The following LRRC4C variants were observed in gnomAD, a reference collection of about 807,000 sequenced individuals.
LRRC4C encodes the protein leucine rich repeat containing 4C, also known as leucine-rich repeat-containing protein 4C.
A neutral mutation model predicts 33.6 loss-of-function variants in LRRC4C; 5 were observed. The ratio of observed to expected loss-of-function variants is 0.15; its 90% CI spans 0.08 to 0.31. The LOEUF (loss-of-function observed/expected upper bound fraction) is 0.31. Ranked by LOEUF, LRRC4C falls within the 10% of genes least tolerant of loss-of-function variation. LRRC4C has a pLI of 1.00. For missense variants in LRRC4C, 560 were observed against 796.7 expected, an observed-to-expected ratio of 0.70 and a Z score of 3.58; for synonymous variants, 329 against 302.0, an observed-to-expected ratio of 1.09 and a Z score of -0.93.
intron 3 of LRRC4C, among the ~76,000 whole-genome samples, chr11:40,423,779 A>G (rs1950615590): frequency 6.6e-6 from 1 of 152,232 alleles, no homozygotes; most frequent in African/African-American, 2.4e-5. Flanking sequence ...CATTGCAAAG[A>G]TAAATAGGCT....
intron 2 of LRRC4C, among the ~76,000 whole-genome samples, chr11:40,861,347 A>G (rs1954091476): frequency 6.6e-6 from 1 of 152,172 alleles, no homozygotes. Context: ...GAGAAACATG[A>G]GCCTGGAAGG....
chr11:41,450,208 C>T (rs193123311), intron 1 of LRRC4C, among the ~76,000 whole-genome samples: 1 of 152,144 alleles, frequency 6.6e-6, no homozygotes, highest in East Asian at 1.9e-4. Flanking sequence ...GTCCGACAGA[C>T]CATCTGTACA....
chr11:41,318,880 ACT>A (rs56723064), intron 1 of LRRC4C, among the ~76,000 whole-genome samples: 2,230 of 152,260 alleles, frequency 0.015, 57 homozygotes, highest in African/African-American at 0.05. Context: ...GATATTGAAC[ACT>A]CAGAATCTGC....
chr11:40,184,051 A>G (rs948504226), intron 5 of LRRC4C, among the ~76,000 whole-genome samples: 8 of 152,242 alleles, frequency 5.3e-5, no homozygotes, highest in African/African-American at 1.9e-4. Flanking sequence ...GAGAAGCAGC[A>G]GCAAAAATCA....
At chr11:40,855,503 G>A (rs780457716) in intron 2 of LRRC4C, among the ~76,000 whole-genome samples, 5 of 152,112 alleles carry the variant, frequency 3.3e-5, no homozygotes, top group Non-Finnish European at 5.9e-5. Flanking sequence ...TGTCTTACTT[G>A]GAGCCTTTCT....
intron 4 of LRRC4C, among the ~76,000 whole-genome samples, chr11:40,262,805 G>T (rs1030771927): frequency 2.6e-5 from 4 of 151,976 alleles, no homozygotes; most frequent in African/African-American, 9.7e-5. Context: ...CACAGGGAGG[G>T]GAACATCACA....
intron 3 of LRRC4C, among the ~76,000 whole-genome samples, chr11:40,431,188 G>C (rs1001465859): frequency 2.6e-5 from 4 of 151,150 alleles, no homozygotes; most frequent in African/African-American, 9.7e-5. Flanking sequence ...CAGCACTTTG[G>C]GAGGTTCAGG....
intron 1 of LRRC4C, among the ~76,000 whole-genome samples, chr11:41,198,514 G>C (rs1164470192): frequency 6.6e-6 from 1 of 151,960 alleles, no homozygotes; most frequent in Non-Finnish European, 1.5e-5. Flanking sequence ...AGGGATGTAA[G>C]CATTTGAGAA....
intron 2 of LRRC4C, among the ~76,000 whole-genome samples, chr11:40,803,377 C>T (rs940587544): frequency 6.6e-6 from 1 of 152,114 alleles, no homozygotes. Context: ...TGAAAGTAAA[C>T]AGCTAGCCAA....
At chr11:40,656,786 C>A (rs538535178) in intron 2 of LRRC4C, among the ~76,000 whole-genome samples, 1 of 152,260 alleles carries the variant, frequency 6.6e-6, no homozygotes, top group African/African-American at 2.4e-5. Context: ...ATCTGTTGAT[C>A]TTTTTGTTAA....
chr11:40,942,965 A>G (rs948492257), intron 1 of LRRC4C, among the ~76,000 whole-genome samples: 1 of 152,210 alleles, frequency 6.6e-6, no homozygotes, highest in Non-Finnish European at 1.5e-5. Context: ...ACACAGGATC[A>G]TGTGAAATAA....
chr11:41,314,364 A>G (rs16935583), intron 1 of LRRC4C, among the ~76,000 whole-genome samples: 24,582 of 152,196 alleles, frequency 0.16, 2,394 homozygotes, highest in East Asian at 0.44. Flanking sequence ...ATCACTTAAT[A>G]TGTTCTAGGC....
chr11:40,751,865 C>T (rs1246453943), intron 2 of LRRC4C, among the ~76,000 whole-genome samples: 1 of 151,998 alleles, frequency 6.6e-6, no homozygotes, highest in Non-Finnish European at 1.5e-5. Flanking sequence ...TATTACTAGG[C>T]TACAGTAACC....
intron 2 of LRRC4C, among the ~76,000 whole-genome samples, chr11:40,810,080 CTTG>C (rs758040522): frequency 5.9e-5 from 9 of 152,112 alleles, no homozygotes; most frequent in Non-Finnish European, 1.2e-4. Flanking sequence ...CCCTGACTTC[CTTG>C]TTGTTTGTTT....
At chr11:40,969,356 G>T (rs564810921) in intron 1 of LRRC4C, among the ~76,000 whole-genome samples, 10 of 150,510 alleles carry the variant, frequency 6.6e-5, no homozygotes, top group African/African-American at 2.4e-4. Flanking sequence ...TTTTTGAAAT[G>T]ATAACAAATA....
intron 1 of LRRC4C, among the ~76,000 whole-genome samples, chr11:40,944,720 C>T (rs1345143139): frequency 2.0e-5 from 3 of 152,064 alleles, no homozygotes; most frequent in Non-Finnish European, 4.4e-5. Flanking sequence ...TCATTTTTAC[C>T]CTGAAATAAT....
intron 3 of LRRC4C, among the ~76,000 whole-genome samples, chr11:40,625,254 TA>T (rs1262136533): frequency 1.3e-5 from 2 of 152,164 alleles, no homozygotes; most frequent in Non-Finnish European, 2.9e-5. Context: ...AACTTTGCTA[TA>T]GTATTGTATT....
chr11:40,859,602 T>C (rs1953972661), intron 2 of LRRC4C, among the ~76,000 whole-genome samples: 1 of 152,002 alleles, frequency 6.6e-6, no homozygotes, highest in Non-Finnish European at 1.5e-5. Context: ...CCTTGCTCTG[T>C]ACCCAAAAGA....
intron 1 of LRRC4C, among the ~76,000 whole-genome samples, chr11:40,983,570 C>T (rs1028405426): frequency 8.6e-5 from 13 of 151,940 alleles, no homozygotes; most frequent in South Asian, 4.1e-4. Flanking sequence ...ACCTACAAGA[C>T]GGGAGAAAAT....
Sources: gnomAD v4.1 joint callset for allele counts (sites outside exome capture counted in the v4.1 genomes callset) on GRCh38, gnomAD v4.1.1 for gene constraint, MANE v1.5 for transcripts, NCBI Gene and HGNC (gene_info 2026-07-23, HGNC 2026-07-21) for gene names.